The following INVS variants were observed in gnomAD, a reference collection of about 807,000 sequenced individuals.
The protein encoded by INVS is inversin, also known as inversion of embryo turning homolog.
In INVS, 86 loss-of-function variants were observed where a neutral mutation model predicts 108.8. That is an observed-to-expected ratio of 0.79 (90% CI 0.66 to 0.95). The LOEUF is 0.95. INVS is among the 40% of genes least tolerant of loss of function. The pLI is 0.00. For synonymous variants in INVS, 455 were observed against 473.5 expected (o/e 0.96, Z 0.51); for missense variants, 1,169 against 1,297.4 (o/e 0.90, Z 1.52).
At chr9:100,225,042 G>GT (rs1831268504) in intron 3 of INVS, among the ~76,000 whole-genome samples, 4 of 151,678 alleles carry the variant, frequency 2.6e-5, no homozygotes, top group African/African-American at 4.8e-5. Context: ...TTGAGTCTGG[G>GT]ATCCAAACTT....
intron 2 of INVS, among the ~76,000 whole-genome samples, chr9:100,112,397 G>A (rs1159979087): frequency 3.3e-5 from 5 of 152,128 alleles, no homozygotes; most frequent in South Asian, 2.1e-4. Flanking sequence ...CGGTTACAAA[G>A]AAACAATGTA....
intron 15 of INVS, among the ~76,000 whole-genome samples, chr9:100,297,477 C>T (rs1414152769): frequency 6.6e-6 from 1 of 152,094 alleles, no homozygotes; most frequent in Non-Finnish European, 1.5e-5. Context: ...CCTTGCATTA[C>T]CCATTTGGAG....
chr9:100,189,700 A>G (rs1388905782), intron 3 of INVS, among the ~76,000 whole-genome samples: 2 of 151,696 alleles, frequency 1.3e-5, no homozygotes, highest in African/African-American at 2.4e-5. Context: ...ATCTTGGAGA[A>G]TGTTCCATTT....
Position 100,162,006 on chromosome 9 carries a change from C to T in INVS, c.273+35457C>T, listed in dbSNP as rs555373479. On this transcript the variant is annotated intron_variant, in intron 3 of 16. Transcript: ENST00000262457. ...GTTAGACTTCCTGCAAGGAGCATCT[C>T]ACACAGAAGATAGAGCCTGGAAGAA... Among the ~76,000 whole-genome samples the T allele has an allele frequency of 7.2e-5, 11 of 152,262 alleles. No homozygotes were observed. In the South Asian group the frequency reaches 2.3e-3, roughly 32 times the overall value.
At chr9:100,178,759 C>A (rs950329526) in intron 3 of INVS, among the ~76,000 whole-genome samples, 2 of 152,002 alleles carry the variant, frequency 1.3e-5, no homozygotes, top group Non-Finnish European at 2.9e-5. Context: ...TAGCAAGAGA[C>A]CAACATTCAA....
chr9:100,258,032 CT>C (rs1390989179), intron 10 of INVS, among the ~76,000 whole-genome samples: 1 of 152,224 alleles, frequency 6.6e-6, no homozygotes, highest in African/African-American at 2.4e-5. Context: ...CTTCCCGTCA[CT>C]TTCAGGTACA....
At chr9:100,226,373 G>T in intron 4 of INVS, 138 bp downstream of exon 4, 1 of 689,722 alleles carries the variant, frequency 1.4e-6, no homozygotes, top group Non-Finnish European at 2.4e-6. Flanking sequence ...ATACATCTCA[G>T]GGAAGTATTT....
chr9:100,107,839 A>G (rs559131161), intron 2 of INVS, among the ~76,000 whole-genome samples: 1 of 152,328 alleles, frequency 6.6e-6, no homozygotes, highest in East Asian at 1.9e-4. Flanking sequence ...TGTTTAATTC[A>G]TCACTAAATC....
chr9:100,263,511 T>C lies in INVS; in HGVS notation c.1465-1311T>C, dbSNP rs56667141. Reference sequence around the variant, plus strand: ...GTTGAGCCTTTCTCTGTATCACTTATCTGTATAATTCTTACACTCACCCTC... The same window carrying C: ...GTTGAGCCTTTCTCTGTATCACTTACCTGTATAATTCTTACACTCACCCTC... On this transcript the variant is annotated intron_variant, in intron 10 of 16. Coordinates refer to ENST00000262457, the MANE Select transcript of INVS (RefSeq NM_014425.5). Among the ~76,000 whole-genome samples, 1,424 of 152,334 alleles carry C rather than the reference T, an allele frequency of 9.3e-3. 23 individuals are homozygous for C. The highest frequency in any genetic ancestry group is 0.032 in the African/African-American group (1,343 of 41,572).
intron 8 of INVS, among the ~76,000 whole-genome samples, chr9:100,247,900 C>G (rs917967934): frequency 1.1e-4 from 16 of 152,170 alleles, no homozygotes; most frequent in African/African-American, 3.6e-4. Flanking sequence ...CCTCTGCCTC[C>G]CAGGTTCAAG....
intron 3 of INVS, among the ~76,000 whole-genome samples, chr9:100,139,567 T>G (rs1350764028): frequency 1.3e-5 from 2 of 152,218 alleles, no homozygotes; most frequent in African/African-American, 4.8e-5. Flanking sequence ...GACCTTACCT[T>G]TTAACCTGTA....
At chr9:100,275,604 C>T (rs1833089145) in intron 12 of INVS, among the ~76,000 whole-genome samples, 1 of 152,192 alleles carries the variant, frequency 6.6e-6, no homozygotes, top group African/African-American at 2.4e-5. Flanking sequence ...CTGCTGCTGC[C>T]TCATTGACTA....
chr9:100,221,416 C>G (rs1441141904), intron 3 of INVS, among the ~76,000 whole-genome samples: 1 of 152,016 alleles, frequency 6.6e-6, no homozygotes, highest in East Asian at 1.9e-4. Flanking sequence ...GATCTTCCCA[C>G]TCCGGCCTCC....
intron 3 of INVS, among the ~76,000 whole-genome samples, chr9:100,188,635 CTTTTTTTTT>C (rs11309021): frequency 1.6e-5 from 2 of 128,270 alleles, no homozygotes; most frequent in African/African-American, 5.6e-5. Context: ...TAGTTTCTTT[CTTTTTTTTT>C]TTTTTTTGTC....
At chr9:100,136,676 G>GA (rs1291718255) in intron 3 of INVS, among the ~76,000 whole-genome samples, 2 of 152,108 alleles carry the variant, frequency 1.3e-5, no homozygotes, top group African/African-American at 2.4e-5. Flanking sequence ...TAAGGAAAAG[G>GA]AGACATCAAA....
intron 12 of INVS, among the ~76,000 whole-genome samples, chr9:100,274,732 T>C (rs2118679716): frequency 6.6e-6 from 1 of 152,278 alleles, no homozygotes; most frequent in Non-Finnish European, 1.5e-5. Context: ...CTCGAACTCC[T>C]GACCTCAAGT....
At chr9:100,222,386 G>A (rs1258852007) in intron 3 of INVS, among the ~76,000 whole-genome samples, 3 of 152,150 alleles carry the variant, frequency 2.0e-5, no homozygotes, top group Non-Finnish European at 1.5e-5. Context: ...CTGTGAAAAT[G>A]TTTGATGATA....
intron 11 of INVS, among the ~76,000 whole-genome samples, chr9:100,269,161 G>C (rs1832875969): frequency 6.6e-6 from 1 of 152,120 alleles, no homozygotes; most frequent in African/African-American, 2.4e-5. Flanking sequence ...CTTAGTTCTA[G>C]TCTGCATTCT....
At chr9:100,108,937 T>G (rs1827257259) in intron 2 of INVS, among the ~76,000 whole-genome samples, 1 of 152,248 alleles carries the variant, frequency 6.6e-6, no homozygotes, top group Non-Finnish European at 1.5e-5. Context: ...TAGATTCAGA[T>G]GTATTAGGGC....
Sources: gnomAD v4.1 joint callset for allele counts (sites outside exome capture counted in the v4.1 genomes callset) on GRCh38, gnomAD v4.1.1 for gene constraint, MANE v1.5 for transcripts, NCBI Gene and HGNC (gene_info 2026-07-23, HGNC 2026-07-21) for gene names.